Variants in ARHGEF11 observed in about 807,000 individuals in gnomAD.
ARHGEF11 encodes the protein Rho guanine exchange factor (GEF) 11.
ARHGEF11 carries 55 observed loss-of-function variants against 193.7 expected under a neutral mutation model. That is an observed-to-expected ratio of 0.28 (90% CI 0.23 to 0.36). The LOEUF (loss-of-function observed/expected upper bound fraction) is 0.36. Ranked by LOEUF, ARHGEF11 falls within the 10% of genes least tolerant of loss-of-function variation. The pLI is 1.00. For synonymous variants in ARHGEF11, 693 were observed against 768.0 expected (o/e 0.90, Z 1.62); for missense variants, 1,723 against 2,005.6 (o/e 0.86, Z 2.69).
At chr1:157,023,996 T>C (rs184166481) in intron 1 of ARHGEF11, among the ~76,000 whole-genome samples, 1 of 152,270 alleles carries the variant, frequency 6.6e-6, no homozygotes, top group Non-Finnish European at 1.5e-5. Context: ...CAAATGTTCA[T>C]AGCAGCATTA....
chr1:156,954,497 G>A (rs1208468086), intron 21 of ARHGEF11, among the ~76,000 whole-genome samples: 3 of 151,062 alleles, frequency 2.0e-5, no homozygotes, highest in Non-Finnish European at 3.0e-5. Flanking sequence ...CTGGATTTTT[G>A]GACCCTCATC....
chr1:157,045,830 C>CCCTTCCCTCCCT (rs1426340475), upstream of ARHGEF11, among the ~76,000 whole-genome samples: 3 of 151,140 alleles, frequency 2.0e-5, no homozygotes, highest in East Asian at 1.9e-4. Context: ...CCGGCCGCCC[C>CCCTTCCCTCCCT]CCTTCCCTCC....
At chr1:156,983,296 C>T (rs1664456040) in intron 3 of ARHGEF11, among the ~76,000 whole-genome samples, 1 of 152,186 alleles carries the variant, frequency 6.6e-6, no homozygotes, top group Non-Finnish European at 1.5e-5. Context: ...GATCTTGGCT[C>T]ACCGCAAGCT....
chr1:156,959,271 G>C, intron 15 of ARHGEF11, 129 bp from the exon 16 acceptor site: 1 of 743,228 alleles, frequency 1.3e-6, no homozygotes, highest in Non-Finnish European at 2.3e-6. Context: ...TTTCTGCCCT[G>C]TTAGTCTAAA....
intron 15 of ARHGEF11, 71 bp from the exon 16 acceptor site, chr1:156,959,213 C>T: frequency 2.3e-6 from 3 of 1,299,830 alleles, no homozygotes; most frequent in Non-Finnish European, 3.3e-6. Flanking sequence ...TTCTGCTGAG[C>T]ATCTCAAGGC....
At chr1:157,023,696 G>C (rs950304063) in intron 1 of ARHGEF11, among the ~76,000 whole-genome samples, 3 of 152,034 alleles carry the variant, frequency 2.0e-5, no homozygotes, top group South Asian at 2.1e-4. Flanking sequence ...AAACAGGGAG[G>C]GGGAGGTTGC....
At chr1:157,007,039 G>C (rs1667906418) in intron 1 of ARHGEF11, among the ~76,000 whole-genome samples, 1 of 152,172 alleles carries the variant, frequency 6.6e-6, no homozygotes, top group Admixed American at 6.5e-5. Context: ...AGAGGTACCA[G>C]GACATGACTG....
chr1:156,936,497 A>AAAAAT (rs370282821), intron 40 of ARHGEF11, among the ~76,000 whole-genome samples: 17 of 33,934 alleles, frequency 5.0e-4, no homozygotes, highest in African/African-American at 1.1e-3. Context: ...AAAAAAAAAA[A>AAAAAT]ATATATATAT....
chr1:156,942,859 T>C lies in ARHGEF11; in HGVS notation c.3236-79A>G, dbSNP rs920350690. On this transcript the variant is annotated intron_variant, in intron 32 of 40. Coordinates refer to ENST00000368194, the MANE Select transcript of ARHGEF11 (RefSeq NM_198236.3). Reference sequence around the variant, plus strand: ...TGCAGCCTGGGCCAGGGTGACAGAGTGGGACTCAAAGCCCTGACCCTCAAC... The same window carrying C: ...TGCAGCCTGGGCCAGGGTGACAGAGCGGGACTCAAAGCCCTGACCCTCAAC... 43 of 1,235,120 alleles carry C rather than the reference T, an allele frequency of 3.5e-5. No homozygotes were observed. The African/African-American group carries it at 5.8e-4, about 17-fold the overall frequency. The allele number at this position is 1,235,120 out of a possible 1,614,324, so 76.5% of individuals were successfully genotyped here. A position where few individuals can be genotyped will look rare whatever the true frequency, so the allele number is the denominator to read the frequency against.
At chr1:157,034,706 A>G (rs757565383) in intron 1 of ARHGEF11, among the ~76,000 whole-genome samples, 13 of 152,184 alleles carry the variant, frequency 8.5e-5, no homozygotes, top group Non-Finnish European at 1.8e-4. Flanking sequence ...CAATGAGGAG[A>G]CACTGCTCTT....
chr1:156,936,792 C>T (rs368217491), intron 40 of ARHGEF11, 24 bp downstream of exon 40: 30 of 1,603,730 alleles, frequency 1.9e-5, no homozygotes, highest in African/African-American at 5.3e-5. Flanking sequence ...TGGTAGGAAC[C>T]GAGAGGGACC....
chr1:156,958,386 T>G (rs1011904639), intron 17 of ARHGEF11, among the ~76,000 whole-genome samples: 1 of 152,204 alleles, frequency 6.6e-6, no homozygotes, highest in Non-Finnish European at 1.5e-5. Flanking sequence ...CTTTATCCAC[T>G]GGGCACACAC....
rs1171944810 is a variant in ARHGEF11 at position 156,946,654 on chromosome 1, G to A, written c.2694+8C>T. The A allele has an allele frequency of 1.2e-6, 2 of 1,614,134 alleles. No individual in the cohort carries two copies. Among genetic ancestry groups the A allele is most frequent in the Admixed American group, 1.7e-5 (1 of 60,028 alleles). On this transcript the variant is annotated splice_region_variant and intron_variant, in intron 28 of 40. Transcript: ENST00000368194. ...TGAAGGAAGGCCAAGGCATGGCCAA[G>A]GACGCACCTGCATGAAGAGCTGGAA...
intron 22 of ARHGEF11, among the ~76,000 whole-genome samples, chr1:156,949,594 T>C (rs1281417035): frequency 6.6e-6 from 1 of 152,154 alleles, no homozygotes; most frequent in African/African-American, 2.4e-5. Flanking sequence ...TTAGAAAACA[T>C]ACTGCCCACT....
intron 1 of ARHGEF11, among the ~76,000 whole-genome samples, chr1:157,014,578 C>A (rs1668972700): frequency 6.6e-6 from 1 of 152,166 alleles, no homozygotes; most frequent in South Asian, 2.1e-4. Flanking sequence ...TATTACCAAT[C>A]AACCAATCTC....
rs529660044 is a variant in ARHGEF11, at chr1:156,950,241, T to C, written c.1925+1332A>G. Among the ~76,000 whole-genome samples, 3 of 152,290 alleles carry C rather than the reference T, an allele frequency of 2.0e-5. No individual in the cohort carries two copies. The East Asian group carries it at 5.8e-4, about 29-fold the overall frequency. On this transcript the variant is annotated intron_variant, in intron 22 of 40. Transcript: ENST00000368194. Reference sequence around the variant, plus strand: ...GTCAATTCTCATGGCAGCAAAATCTTTTAACACGTGTTAAGCTGAAAAAAG... The same window carrying C: ...GTCAATTCTCATGGCAGCAAAATCTCTTAACACGTGTTAAGCTGAAAAAAG...
intron 1 of ARHGEF11, among the ~76,000 whole-genome samples, chr1:156,990,744 T>C (rs923174138): frequency 6.6e-6 from 1 of 152,224 alleles, no homozygotes; most frequent in African/African-American, 2.4e-5. Context: ...TGGGAGCTTC[T>C]GAAAGCCAGC....
chr1:156,982,104 T>A (rs545092594), intron 3 of ARHGEF11, among the ~76,000 whole-genome samples: 1 of 152,166 alleles, frequency 6.6e-6, no homozygotes, highest in African/African-American at 2.4e-5. Flanking sequence ...TTCCCTCTTA[T>A]ACGTTCATTT....
Position 156,961,586 on chromosome 1 carries a change from T to C in ARHGEF11, c.1239+91A>G, listed in dbSNP as rs2275205. ...AGATTTCTCTTTAAGAACCTGTCTC[T>C]GTTTGGCCTGGATGTTTTGCTTAAT... On this transcript the variant is annotated intron_variant, in intron 14 of 40. Transcript: ENST00000368194. 100 of 1,072,504 alleles carry C rather than the reference T, an allele frequency of 9.3e-5. 1 individual carries two copies. The East Asian group carries it at 2.4e-3, about 25-fold the overall frequency. The allele number at this position is 1,072,504 out of a possible 1,614,324, so 66.4% of individuals were successfully genotyped here.
Sources: allele counts gnomAD v4.1 joint callset (sites outside exome capture counted in the v4.1 genomes callset), GRCh38; gene constraint gnomAD v4.1.1; transcripts MANE v1.5; gene names NCBI Gene and HGNC (gene_info 2026-07-23, HGNC 2026-07-21).